Variants in COMMD10 observed in about 807,000 individuals in gnomAD.
The protein encoded by COMMD10 is COMM domain-containing protein 10.
A neutral mutation model predicts 28.9 loss-of-function variants in COMMD10; 33 were observed. That is an observed-to-expected ratio of 1.14 (90% CI 0.87 to 1.53). The LOEUF is 1.53. Among genes scored for constraint, COMMD10 ranks in the 40% most tolerant of loss-of-function variants. The pLI is 0.00. For missense variants in COMMD10, 310 were observed against 233.4 expected (o/e 1.33, Z -2.14); for synonymous variants, 110 against 81.7 (o/e 1.35, Z -1.87).
chr5:116,189,963 C>G (rs1034588639), intron 5 of COMMD10, among the ~76,000 whole-genome samples: 1 of 152,188 alleles, frequency 6.6e-6, no homozygotes, highest in Non-Finnish European at 1.5e-5. Context: ...AAGAATCTTT[C>G]CCTTTCCTGC....
At chr5:116,216,774 TCTGCCTGCCTTAGGCTCCCA>T (rs1749114278) in intron 5 of COMMD10, among the ~76,000 whole-genome samples, 1 of 152,298 alleles carries the variant, frequency 6.6e-6, no homozygotes, top group African/African-American at 2.4e-5. Flanking sequence ...GACCTCATGA[TCTGCCTGCCTTAGGCTCCCA>T]AAGTGCTGGG....
At chr5:116,238,115 C>G (rs1292681113) in intron 5 of COMMD10, among the ~76,000 whole-genome samples, 3 of 152,260 alleles carry the variant, frequency 2.0e-5, no homozygotes, top group Non-Finnish European at 4.4e-5. Flanking sequence ...AGGAGGCCAT[C>G]GCCTTGAACT....
At chr5:116,183,913 T>C (rs1748056085) in intron 5 of COMMD10, among the ~76,000 whole-genome samples, 1 of 152,150 alleles carries the variant, frequency 6.6e-6, no homozygotes, top group South Asian at 2.1e-4. Context: ...TATGTTTCCA[T>C]GCACTGCAGA....
At chr5:116,233,316 A>G (rs1749575327) in intron 5 of COMMD10, among the ~76,000 whole-genome samples, 1 of 152,114 alleles carries the variant, frequency 6.6e-6, no homozygotes, top group African/African-American at 2.4e-5. Flanking sequence ...TAATATACAA[A>G]TTAAATTTTA....
chr5:116,121,429 C>T (rs1751431877), intron 4 of COMMD10, among the ~76,000 whole-genome samples: 2 of 152,164 alleles, frequency 1.3e-5, no homozygotes, highest in South Asian at 4.1e-4. Context: ...GAGAATAGTG[C>T]CGCAGTAAAC....
chr5:116,122,588 T>C (rs757018378), intron 4 of COMMD10, among the ~76,000 whole-genome samples: 5 of 152,184 alleles, frequency 3.3e-5, no homozygotes, highest in Admixed American at 6.5e-5. Flanking sequence ...GCCATTTTCA[T>C]GATATTGATT....
chr5:116,144,050 C>T (rs1308260941), intron 5 of COMMD10, among the ~76,000 whole-genome samples: 1 of 151,696 alleles, frequency 6.6e-6, no homozygotes, highest in Non-Finnish European at 1.5e-5. Flanking sequence ...TTGAGCATTT[C>T]AAATATGGAG....
intron 5 of COMMD10, among the ~76,000 whole-genome samples, chr5:116,158,950 G>A (rs1175974112): frequency 6.6e-6 from 1 of 151,506 alleles, no homozygotes; most frequent in Non-Finnish European, 1.5e-5. Context: ...CTTGTCACAG[G>A]GACTAGAGGG....
chr5:116,195,954 A>G (rs1342106118), intron 5 of COMMD10, among the ~76,000 whole-genome samples: 1 of 152,164 alleles, frequency 6.6e-6, no homozygotes, highest in Non-Finnish European at 1.5e-5. Context: ...GCATGGATGC[A>G]GTGATCAGGA....
intron 5 of COMMD10, among the ~76,000 whole-genome samples, chr5:116,266,845 C>T (rs531480409): frequency 3.3e-5 from 5 of 151,882 alleles, no homozygotes; most frequent in East Asian, 3.9e-4. Flanking sequence ...AAGACAAAAA[C>T]GACAAGATTA....
chr5:116,254,387 G>T (rs1750216681), intron 5 of COMMD10, among the ~76,000 whole-genome samples: 1 of 151,872 alleles, frequency 6.6e-6, no homozygotes, highest in South Asian at 2.1e-4. Flanking sequence ...TAATTGTGAT[G>T]TTAGGGTGTT....
intron 5 of COMMD10, among the ~76,000 whole-genome samples, chr5:116,205,271 G>A (rs909039430): frequency 6.6e-6 from 1 of 152,022 alleles, no homozygotes; most frequent in African/African-American, 2.4e-5. Context: ...TCATTTTTCT[G>A]ACCATTATAC....
chr5:116,279,177 C>G (rs896930042), intron 5 of COMMD10, among the ~76,000 whole-genome samples: 1 of 151,656 alleles, frequency 6.6e-6, no homozygotes, highest in Non-Finnish European at 1.5e-5. Context: ...CTGGTACTTC[C>G]GTACTGCCTG....
chr5:116,166,555 C>G (rs72804855), intron 5 of COMMD10, among the ~76,000 whole-genome samples: 1 of 152,188 alleles, frequency 6.6e-6, no homozygotes, highest in Non-Finnish European at 1.5e-5. Context: ...GGGGTGACAC[C>G]TCCCAGCAGG....
chr5:116,277,103 T>C (rs1377294466), intron 5 of COMMD10, among the ~76,000 whole-genome samples: 1 of 151,824 alleles, frequency 6.6e-6, no homozygotes, highest in Non-Finnish European at 1.5e-5. Flanking sequence ...TTTCACTAAG[T>C]TATGAAAAAA....
chr5:116,280,273 G>T (rs1283290043), intron 5 of COMMD10, among the ~76,000 whole-genome samples: 1 of 151,802 alleles, frequency 6.6e-6, no homozygotes, highest in Non-Finnish European at 1.5e-5. Flanking sequence ...GGGTAGCCAG[G>T]CTGCCTCACA....
chr5:116,263,636 C>T (rs1750508302), intron 5 of COMMD10, among the ~76,000 whole-genome samples: 1 of 151,668 alleles, frequency 6.6e-6, no homozygotes, highest in Admixed American at 6.6e-5. Flanking sequence ...AAAACTTGGT[C>T]TCCACAATCG....
intron 5 of COMMD10, among the ~76,000 whole-genome samples, chr5:116,136,193 A>G (rs941031930): frequency 2.0e-5 from 3 of 151,960 alleles, no homozygotes; most frequent in South Asian, 2.1e-4. Context: ...TTTCTTGATT[A>G]TATTTTTCAC....
At chr5:116,108,442 GCAGTGGGCTC>G (rs1218532565) in intron 4 of COMMD10, among the ~76,000 whole-genome samples, 59 of 107,224 alleles carry the variant, frequency 5.5e-4, no homozygotes, top group Non-Finnish European at 1.0e-3. Flanking sequence ...TTTTTGAGCT[GCAGTGGGCTC>G]TGCCCAGTTC....
Sources: gnomAD v4.1 joint callset for allele counts (sites outside exome capture counted in the v4.1 genomes callset) on GRCh38, gnomAD v4.1.1 for gene constraint, MANE v1.5 for transcripts, NCBI Gene and HGNC (gene_info 2026-07-23, HGNC 2026-07-21) for gene names.